HSD17B12: variants seen among roughly 807,000 people sequenced by gnomAD.
The protein encoded by HSD17B12 is very-long-chain 3-oxoacyl-CoA reductase.
HSD17B12 carries 32 observed loss-of-function variants against 39.3 expected under a neutral mutation model. The ratio of observed to expected loss-of-function variants is 0.81; its 90% CI spans 0.61 to 1.09. The LOEUF (loss-of-function observed/expected upper bound fraction) is 1.09. Ranked by LOEUF, HSD17B12 falls within the 50% of genes least tolerant of loss-of-function variation. HSD17B12 has a pLI of 0.00. For missense variants in HSD17B12, 342 were observed against 382.9 expected (o/e 0.89, Z 0.89); for synonymous variants, 150 against 146.7 (o/e 1.02, Z -0.16).
At chr11:43,671,798 G>T in the HSD17B12 span, among the ~76,000 whole-genome samples, 7 of 152,294 alleles carry the variant, frequency 4.6e-5, no homozygotes, top group South Asian at 1.0e-3. Context: ...AGAAATGGAA[G>T]AATACAGTAC....
chr11:43,764,378 AGTTTT>A, intron 3 of HSD17B12, among the ~76,000 whole-genome samples: 1 of 152,136 alleles, frequency 6.6e-6, no homozygotes, highest in Non-Finnish European at 1.5e-5. Flanking sequence ...AATAATTTTG[AGTTTT>A]TTTCTTCTTA....
chr11:43,686,270 G>A (rs1949797902), intron 1 of HSD17B12, among the ~76,000 whole-genome samples: 1 of 152,168 alleles, frequency 6.6e-6, no homozygotes, highest in Non-Finnish European at 1.5e-5. Context: ...GGGAAGGTGA[G>A]GGAAGGCAGA....
At chr11:43,639,759 G>C in the HSD17B12 span, among the ~76,000 whole-genome samples, 1 of 152,160 alleles carries the variant, frequency 6.6e-6, no homozygotes, top group Admixed American at 6.5e-5. Context: ...GTGTCTGTGC[G>C]TAGGAATTTT....
chr11:43,744,763 A>G (rs1480579869), intron 1 of HSD17B12, among the ~76,000 whole-genome samples: 1 of 152,226 alleles, frequency 6.6e-6, no homozygotes, highest in African/African-American at 2.4e-5. Context: ...TCTCAGGAAT[A>G]ACACCTGTGA....
intron 3 of HSD17B12, among the ~76,000 whole-genome samples, chr11:43,773,947 C>T (rs1378556902): frequency 6.6e-6 from 1 of 152,068 alleles, no homozygotes; most frequent in Non-Finnish European, 1.5e-5. Flanking sequence ...TTACTCTATG[C>T]CTCTCTTTTC....
At chr11:43,751,707 A>G (rs894517186) in intron 2 of HSD17B12, among the ~76,000 whole-genome samples, 5 of 152,224 alleles carry the variant, frequency 3.3e-5, no homozygotes, top group African/African-American at 1.2e-4. Context: ...AAACACCTGT[A>G]TACTCTTCAC....
At chr11:43,697,162 C>T (rs1949919979) in intron 1 of HSD17B12, among the ~76,000 whole-genome samples, 2 of 152,134 alleles carry the variant, frequency 1.3e-5, no homozygotes, top group African/African-American at 4.8e-5. Flanking sequence ...GCACACATAT[C>T]CCAGAACTTG....
chr11:43,789,634 C>CA (rs1252543543), intron 3 of HSD17B12, among the ~76,000 whole-genome samples: 1 of 152,134 alleles, frequency 6.6e-6, no homozygotes, highest in African/African-American at 2.4e-5. Context: ...GAAGCTGACC[C>CA]AGGTCATTTG....
intron 1 of HSD17B12, among the ~76,000 whole-genome samples, chr11:43,709,643 ATAACTTT>A (rs1461619750): frequency 1.3e-5 from 2 of 152,228 alleles, no homozygotes; most frequent in Non-Finnish European, 2.9e-5. Context: ...AACTCAAATG[ATAACTTT>A]TAATTTTTTA....
chr11:43,647,442 A>ATTTTTTTT, the HSD17B12 span, among the ~76,000 whole-genome samples: 1 of 123,260 alleles, frequency 8.1e-6, no homozygotes, highest in South Asian at 2.6e-4. Context: ...CACCTTGCTA[A>ATTTTTTTT]TTTTTTTTTT....
At chr11:43,855,103 G>T (rs1431256496) in intron 10 of HSD17B12, 41 bp from the exon 11 acceptor site, 2 of 1,353,552 alleles carry the variant, frequency 1.5e-6, no homozygotes, top group African/African-American at 1.5e-5. Context: ...AGCCCAAATT[G>T]TAGGCTATAA....
chr11:43,680,568 C>A, upstream of HSD17B12: 1 of 498,042 alleles, frequency 2.0e-6, no homozygotes, highest in Non-Finnish European at 3.6e-6. Context: ...ACTGGCGGAA[C>A]CCCGGGGGAC....
the HSD17B12 span, among the ~76,000 whole-genome samples, chr11:43,633,346 A>G: frequency 2.0e-5 from 3 of 152,108 alleles, no homozygotes; most frequent in Non-Finnish European, 4.4e-5. Context: ...AGCCTGGCCA[A>G]CATGCTGAAA....
At chr11:43,845,393 A>C (rs978448400) in intron 9 of HSD17B12, among the ~76,000 whole-genome samples, 2 of 152,184 alleles carry the variant, frequency 1.3e-5, no homozygotes, top group African/African-American at 4.8e-5. Context: ...TTGATCTTAC[A>C]ATATTCTTTA....
At position 43,831,116 on chromosome 11, in the gene HSD17B12, C is replaced by A; in HGVS notation, c.536+106C>A. The A allele has an allele frequency of 9.7e-7, 1 of 1,028,286 alleles. No individual in the cohort carries two copies. The highest frequency in any genetic ancestry group is 1.6e-5 in the South Asian group (1 of 63,880). 63.7% of individuals were successfully genotyped at this position (1,028,286 alleles called of 1,614,324 possible). ...TCACTGAAGTGACTAATGAACCAAG[C>A]CTCCATGTCTTAGCCACAGAGTGAT... On this transcript the variant is annotated intron_variant, in intron 7 of 10. Coordinates refer to ENST00000278353, the MANE Select transcript of HSD17B12 (RefSeq NM_016142.3). The surrounding 1 kb of genome is among the most constrained non-coding windows in gnomAD (Gnocchi z 4.1).
chr11:43,685,790 G>A (rs1949792438), intron 1 of HSD17B12, among the ~76,000 whole-genome samples: 1 of 152,132 alleles, frequency 6.6e-6, no homozygotes, highest in Non-Finnish European at 1.5e-5. Context: ...TTTATTAAAA[G>A]CTTTTTGATT....
chr11:43,726,925 G>T (rs1193053856), intron 1 of HSD17B12, among the ~76,000 whole-genome samples: 2 of 152,094 alleles, frequency 1.3e-5, no homozygotes, highest in Non-Finnish European at 2.9e-5. Context: ...GAGAGTACTT[G>T]CATTCTAAAA....
At chr11:43,628,718 A>G in the HSD17B12 span, among the ~76,000 whole-genome samples, 2 of 152,012 alleles carry the variant, frequency 1.3e-5, no homozygotes, top group Non-Finnish European at 2.9e-5. Flanking sequence ...ATATCAAAAC[A>G]TAACATTGTA....
intron 3 of HSD17B12, among the ~76,000 whole-genome samples, chr11:43,795,521 T>C (rs573926008): frequency 6.6e-6 from 1 of 152,354 alleles, no homozygotes; most frequent in South Asian, 2.1e-4. Flanking sequence ...GTCAATAGCA[T>C]GCATGTACCA....
Sources: gnomAD v4.1 joint callset for allele counts (sites outside exome capture counted in the v4.1 genomes callset) on GRCh38, gnomAD v4.1.1 for gene constraint, Gnocchi (gnomAD v3.1) non-coding constraint, MANE v1.5 for transcripts, NCBI Gene and HGNC (gene_info 2026-07-23, HGNC 2026-07-21) for gene names.